Variants in RASIP1 observed in about 807,000 individuals in gnomAD.
RASIP1 encodes ras-interacting protein 1.
Under a neutral mutation model 85.3 loss-of-function variants are expected in RASIP1, and 20 were observed. The observed-to-expected ratio is 0.23, with a 90% confidence interval of 0.17 to 0.34. The LOEUF (loss-of-function observed/expected upper bound fraction) is 0.34, where lower values mean the gene tolerates loss of function less well. Among genes scored for constraint, RASIP1 ranks in the 10% least tolerant of loss-of-function variants. The pLI is 1.00. For missense variants in RASIP1, 1,170 were observed against 1,390.9 expected (o/e 0.84, Z 2.53); for synonymous variants, 617 against 647.1 (o/e 0.95, Z 0.71).
At chr19:48,723,381 G>GA (rs1376823850) in intron 10 of RASIP1, among the ~76,000 whole-genome samples, 11 of 152,034 alleles carry the variant, frequency 7.2e-5, no homozygotes, top group Non-Finnish European at 1.5e-4. Flanking sequence ...CCAACAAGGT[G>GA]AAACCCTGTC....
intron 10 of RASIP1, among the ~76,000 whole-genome samples, chr19:48,722,884 ACTTT>A (rs1169934723): frequency 2.6e-5 from 4 of 151,870 alleles, no homozygotes; most frequent in Non-Finnish European, 2.9e-5. Context: ...TGCATGGTAA[ACTTT>A]CTTTCTTATT....
chr19:48,739,627 C>G lies in RASIP1; in HGVS notation c.156G>C (p.Thr52=), dbSNP rs565632573. 8 of 1,432,746 alleles carry G rather than the reference C, an allele frequency of 5.6e-6. No homozygotes were observed. The South Asian group carries it at 6.9e-5, about 12-fold the overall frequency. The allele number at this position is 1,432,746 out of a possible 1,614,324, so 88.8% of individuals were successfully genotyped here. ...GTAGCGGCTCGCTGCTGCGGCTCCCCGTGTCCGACGAAGAAGACCTGGGAG... is the reference window on the plus strand; with the variant it reads ...GTAGCGGCTCGCTGCTGCGGCTCCCGGTGTCCGACGAAGAAGACCTGGGAG... ...AASVKSSSSD[T]GSRSSEPLPP... The change falls in exon 3 of 12, where the codon ACG becomes ACC. Residue 52 remains threonine (T), a synonymous_variant. Coordinates refer to ENST00000222145, the MANE Select transcript of RASIP1 (RefSeq NM_017805.3). This position sits in a 1 kb window ranked among gnomAD's most constrained non-coding sequence, Gnocchi z 9.2.
intron 8 of RASIP1, 199 bp from the exon 9 acceptor site, chr19:48,725,159 A>G (rs1054526901): frequency 1.6e-6 from 1 of 606,450 alleles, no homozygotes; most frequent in Non-Finnish European, 2.9e-6. Flanking sequence ...GAGTATTTTA[A>G]GATCACCTCT....
intron 6 of RASIP1, 80 bp downstream of exon 6, chr19:48,727,313 T>C: frequency 1.3e-6 from 2 of 1,561,230 alleles, no homozygotes; most frequent in East Asian, 2.3e-5. Flanking sequence ...CACTGGGGCA[T>C]GCATGGGGTG....
At chr19:48,727,223 A>G in intron 6 of RASIP1, 65 bp from the exon 7 acceptor site, 1 of 1,596,846 alleles carries the variant, frequency 6.3e-7, no homozygotes, top group South Asian at 1.1e-5. Flanking sequence ...AAACCCCAAG[A>G]TCTAAGTCTA....
At chr19:48,735,701 C>T in intron 3 of RASIP1, 150 bp from the exon 4 acceptor site, 1 of 738,300 alleles carries the variant, frequency 1.4e-6, no homozygotes, top group Non-Finnish European at 2.1e-6. Flanking sequence ...GTTCCCTGTG[C>T]GTGGAACACC....
In RASIP1 at chr19:48,729,405, G is replaced by T. The variant is rs1312835932; in HGVS notation, c.1365C>A (p.Gly455=). ...GGCACCCGTTGTGCGTGACTGGGGCGCCCCGGGACGGGCGCACCATGGCCG... is the reference window on the plus strand; with the variant it reads ...GGCACCCGTTGTGCGTGACTGGGGCTCCCCGGGACGGGCGCACCATGGCCG... ...EHPAMVRPSR[G]APVTHNGCLL... The change falls in exon 5 of 12, where the codon GGC becomes GGA. Residue 455 remains glycine, a synonymous_variant. Transcript: ENST00000222145. The T allele has an allele frequency of 6.4e-7, 1 of 1,555,880 alleles. No homozygotes were observed. The highest frequency in any genetic ancestry group is 8.7e-7 in the Non-Finnish European group (1 of 1,150,122).
rs557151649 is a variant in RASIP1 at position 48,740,124 on chromosome 19, G to C, written c.137+22C>G. 1 of 1,573,370 alleles carries C rather than the reference G, an allele frequency of 6.4e-7. No homozygotes were observed. Among genetic ancestry groups the C allele is most frequent in the Non-Finnish European group, 8.6e-7 (1 of 1,164,246 alleles). On this transcript the variant is annotated intron_variant, in intron 2 of 11. Coordinates refer to ENST00000222145, the MANE Select transcript of RASIP1 (RefSeq NM_017805.3). The surrounding 1 kb of genome is among the most constrained non-coding windows in gnomAD (Gnocchi z 5.5). ...GGGAAGCAGGTGTGCAGGGGCAGGA[G>C]TCCTGCAGAGATGGCACTCACTTGA...
intron 4 of RASIP1, among the ~76,000 whole-genome samples, chr19:48,730,251 C>T (rs368410726): frequency 2.6e-5 from 4 of 152,026 alleles, no homozygotes; most frequent in African/African-American, 9.6e-5. Flanking sequence ...CTCCAACCTC[C>T]GCCTCCCGGG....
Position 48,729,445 on chromosome 19 carries a change from G to A in RASIP1, c.1325C>T (p.Ala442Val). The change falls in exon 5 of 12, where the codon GCG becomes GTG. Residue 442 changes from alanine (A) to valine (V), a missense_variant. Coordinates refer to ENST00000222145, the MANE Select transcript of RASIP1 (RefSeq NM_017805.3). ...CACCATGGCCGGGTGCTCAGGGCCC[G>A]CGCGCACTGTGCAGTGACGCGGCAG... ...DILPRHCTVR[A>V]GPEHPAMVRP... 2 of 1,565,170 alleles carry A rather than the reference G, an allele frequency of 1.3e-6. 1 individual carries two copies. The highest frequency in any genetic ancestry group is 2.3e-5 in the South Asian group (2 of 85,454).
chr19:48,721,567 C>G (rs1459024498), intron 11 of RASIP1, among the ~76,000 whole-genome samples: 1 of 152,124 alleles, frequency 6.6e-6, no homozygotes. Flanking sequence ...CTTTGGGAGG[C>G]CGAGGCGGGC....
At position 48,720,837 on chromosome 19, in the gene RASIP1, G is replaced by A; in HGVS notation, c.2853C>T (p.Ala951=). The change falls in exon 12 of 12, where the codon GCC becomes GCT. Residue 951 remains alanine (A), a synonymous_variant. Coordinates refer to ENST00000222145, the MANE Select transcript of RASIP1 (RefSeq NM_017805.3). ...CCACGGGAGGCCCATGGCGATAATT[G>A]GCTGGCAGCTCCTGCTGCTCAAGAT... is the stretch of plus-strand genomic sequence containing the variant. ...LWDLEQQELP[A]NYRHGPPVAT... The A allele has an allele frequency of 6.2e-7, 1 of 1,614,070 alleles. No homozygotes were observed. Among genetic ancestry groups the A allele is most frequent in the Non-Finnish European group, 8.5e-7 (1 of 1,180,018 alleles).
rs2033656078 is a variant in RASIP1, at chr19:48,740,532, T to C, written c.-16A>G. 12 of 1,386,694 alleles carry C rather than the reference T, an allele frequency of 8.7e-6. No individual in the cohort carries two copies. In the South Asian group the frequency reaches 1.6e-4, roughly 18 times the overall value. The allele number at this position is 1,386,694 out of a possible 1,614,324, so 85.9% of individuals were successfully genotyped here. Reference sequence around the variant, plus strand: ...TCCCTGGCTCTTACCCTGCTTCGGGTCCGGCACACCCGGAGGCCCTGGCTC... The same window carrying C: ...TCCCTGGCTCTTACCCTGCTTCGGGCCCGGCACACCCGGAGGCCCTGGCTC... On this transcript the variant is annotated 5_prime_UTR_variant, in exon 1 of 12. Coordinates refer to ENST00000222145, the MANE Select transcript of RASIP1 (RefSeq NM_017805.3). The surrounding 1 kb of genome is among the most constrained non-coding windows in gnomAD (Gnocchi z 5.5).
chr19:48,739,768 T>A lies in RASIP1; in HGVS notation c.138-123A>T. On this transcript the variant is annotated intron_variant, in intron 2 of 11. Transcript: ENST00000222145. This position sits in a 1 kb window ranked among gnomAD's most constrained non-coding sequence, Gnocchi z 9.2. ...CCAGAGGGAGGACAGGGACCCAGGG[T>A]GGATGGACGGGGCGGGGGTGAGGGT... 2.5e-6 allele frequency: 1 copy of A among 407,286 alleles called. No homozygotes were observed. The highest frequency in any genetic ancestry group is 3.0e-6 in the Non-Finnish European group (1 of 334,482). 25.2% of individuals were successfully genotyped at this position (407,286 alleles called of 1,614,324 possible). A position where few individuals can be genotyped will look rare whatever the true frequency, so the allele number is the denominator to read the frequency against.
rs1166298359 is a variant in RASIP1, at chr19:48,724,351, T to C, written c.2530A>G (p.Thr844Ala). The change falls in exon 10 of 12, where the codon ACT becomes GCT. Residue 844 changes from threonine to alanine, a missense_variant. Around this residue, in one of 4 missense-constraint regions of RASIP1, gnomAD observed 426 missense variants for 576.2 expected, o/e 0.74. Transcript: ENST00000222145. The surrounding 1 kb of genome is among the most constrained non-coding windows in gnomAD (Gnocchi z 4.6). ...CCAGGAGTCACCTTGAGCAGGGAAG[T>C]GCGGGGCACACAGAGCAGGTTCACA... ...MAVNLLCVPR[T>A]SLLKASWSSL... is the part of the protein sequence containing the mutation. The C allele has an allele frequency of 6.2e-7, 1 of 1,613,682 alleles. No individual in the cohort carries two copies. The highest frequency in any genetic ancestry group is 1.7e-5 in the Admixed American group (1 of 59,938).
rs114643374 is a variant in RASIP1 at position 48,726,702 on chromosome 19, G to T, written c.2127+83C>A. Reference sequence around the variant, plus strand: ...ACACAGTGTAGTTCAAACAAGAAGTGATGTTACCACAAACAGGAAGTGATA... The same window carrying T: ...ACACAGTGTAGTTCAAACAAGAAGTTATGTTACCACAAACAGGAAGTGATA... On this transcript the variant is annotated intron_variant, in intron 8 of 11. Coordinates refer to ENST00000222145, the MANE Select transcript of RASIP1 (RefSeq NM_017805.3). The T allele has an allele frequency of 7.5e-4, 825 of 1,096,750 alleles. 6 individuals are homozygous for T. In the African/African-American group the frequency reaches 0.011, roughly 15 times the overall value. The allele number at this position is 1,096,750 out of a possible 1,614,324, so 67.9% of individuals were successfully genotyped here.
Position 48,738,861 on chromosome 19 carries a change from G to T in RASIP1, c.823+99C>A. Reference sequence around the variant, plus strand: ...TCCCCTCCCGCGGGCCCCGCCCCCAGCCAGCCCGCGAGTCCCACAAGCCCC... The same window carrying T: ...TCCCCTCCCGCGGGCCCCGCCCCCATCCAGCCCGCGAGTCCCACAAGCCCC... On this transcript the variant is annotated intron_variant, in intron 3 of 11. Coordinates refer to ENST00000222145, the MANE Select transcript of RASIP1 (RefSeq NM_017805.3). The surrounding 1 kb of genome is among the most constrained non-coding windows in gnomAD (Gnocchi z 4.0). The T allele has an allele frequency of 3.9e-6, 3 of 771,042 alleles. No individual in the cohort carries two copies. Among genetic ancestry groups the T allele is most frequent in the Non-Finnish European group, 4.7e-6 (3 of 643,090 alleles). 47.8% of individuals were successfully genotyped at this position (771,042 alleles called of 1,614,324 possible).
In RASIP1 at chr19:48,729,531, C is replaced by T. The variant is rs753513237; in HGVS notation, c.1239G>A (p.Ser413=). 1.0e-5 allele frequency: 16 copies of T among 1,601,194 alleles called. No homozygotes were observed. Among genetic ancestry groups the T allele is most frequent in the East Asian group, 2.3e-5 (1 of 44,140 alleles). Residue 413 remains serine, a synonymous_variant, in exon 5 of 12, where the codon TCG becomes TCA. Coordinates refer to ENST00000222145, the MANE Select transcript of RASIP1 (RefSeq NM_017805.3). The part of the protein sequence containing the change: ...EQHVFGRGGN[S]SGRGGSPAPY... Reference sequence around the variant, plus strand: ...GAGCCGGGGACCCCCCGCGGCCAGACGAGTTCCCACCTCGCCCAAACACGT... The same window carrying T: ...GAGCCGGGGACCCCCCGCGGCCAGATGAGTTCCCACCTCGCCCAAACACGT...
intron 4 of RASIP1, among the ~76,000 whole-genome samples, chr19:48,733,499 C>CA (rs1300767345): frequency 6.6e-6 from 1 of 152,146 alleles, no homozygotes; most frequent in Admixed American, 6.6e-5. Flanking sequence ...TGTAAAGCAT[C>CA]ACCTTCTAAA....
Sources: allele counts gnomAD v4.1 joint callset (sites outside exome capture counted in the v4.1 genomes callset), GRCh38; gene constraint gnomAD v4.1.1; regional missense constraint gnomAD v4.1.1; non-coding constraint Gnocchi (gnomAD v3.1); transcripts MANE v1.5; gene names NCBI Gene and HGNC (gene_info 2026-07-23, HGNC 2026-07-21).